Variants in STK39 observed in about 807,000 individuals in gnomAD.
STK39 encodes serine/threonine kinase 39, also known as STE20/SPS1-related proline-alanine-rich protein kinase.
A neutral mutation model predicts 77.8 loss-of-function variants in STK39; 20 were observed. The observed-to-expected ratio is 0.26, with a 90% CI of 0.18 to 0.37. The LOEUF (loss-of-function observed/expected upper bound fraction) is 0.37. Among genes scored for constraint, STK39 ranks in the 10% least tolerant of loss-of-function variants. STK39 has a pLI of 1.00. For synonymous variants in STK39, 246 were observed against 234.1 expected, an observed-to-expected ratio of 1.05 and a Z score of -0.47; for missense variants, 479 against 656.5, an observed-to-expected ratio of 0.73 and a Z score of 2.95.
intron 10 of STK39, among the ~76,000 whole-genome samples, chr2:168,082,995 A>C (rs1163597013): frequency 6.6e-6 from 1 of 152,056 alleles, no homozygotes; most frequent in Non-Finnish European, 1.5e-5. Context: ...TATAAGAAGC[A>C]CTCAAAACAT....
At chr2:168,093,173 A>T (rs1053699420) in intron 10 of STK39, among the ~76,000 whole-genome samples, 1 of 152,224 alleles carries the variant, frequency 6.6e-6, no homozygotes, top group Non-Finnish European at 1.5e-5. Context: ...GCTTTTCCAT[A>T]AAGCTCTCCT....
chr2:168,096,574 G>A (rs765381908), intron 10 of STK39, among the ~76,000 whole-genome samples: 3 of 152,192 alleles, frequency 2.0e-5, no homozygotes, highest in Non-Finnish European at 4.4e-5. Context: ...ATGAATCCCT[G>A]TGTCCTACAC....
intron 1 of STK39, among the ~76,000 whole-genome samples, chr2:168,194,149 C>T (rs909522224): frequency 1.3e-5 from 2 of 152,224 alleles, no homozygotes; most frequent in South Asian, 2.1e-4. Flanking sequence ...CATGGTGACT[C>T]ATGCCTGTAA....
chr2:167,986,154 A>G (rs1683551476), intron 16 of STK39, among the ~76,000 whole-genome samples: 1 of 152,206 alleles, frequency 6.6e-6, no homozygotes, highest in Non-Finnish European at 1.5e-5. Flanking sequence ...AATCTTAAAC[A>G]TACACTTCAG....
intron 12 of STK39, among the ~76,000 whole-genome samples, chr2:168,068,434 CA>C (rs1031305096): frequency 6.6e-6 from 1 of 152,046 alleles, no homozygotes; most frequent in African/African-American, 2.4e-5. Context: ...TGGATCCTGG[CA>C]AAAACAAGGG....
chr2:167,987,336 G>A (rs979544379), intron 16 of STK39, among the ~76,000 whole-genome samples: 6 of 152,058 alleles, frequency 3.9e-5, no homozygotes, highest in Non-Finnish European at 5.9e-5. Context: ...GAAAAGCGAG[G>A]ATGCATATAC....
intron 10 of STK39, among the ~76,000 whole-genome samples, chr2:168,085,426 C>A (rs1220861746): frequency 1.3e-5 from 2 of 152,188 alleles, no homozygotes; most frequent in Admixed American, 1.3e-4. Context: ...TGTATTCCTG[C>A]CGCATCCTGA....
chr2:168,187,581 G>C (rs1689239798), intron 1 of STK39, among the ~76,000 whole-genome samples: 1 of 152,202 alleles, frequency 6.6e-6, no homozygotes, highest in South Asian at 2.1e-4. Context: ...CTAGCACATA[G>C]TAAGCACTAA....
chr2:168,053,194 A>T (rs1014336969), intron 14 of STK39, among the ~76,000 whole-genome samples: 14 of 152,230 alleles, frequency 9.2e-5, no homozygotes, highest in African/African-American at 2.9e-4. Flanking sequence ...AATATCAAAT[A>T]ACACTTTTTC....
rs1683756532 is a variant in STK39, at chr2:167,993,562, TGTGGAGAGCCGGGCTA to T, written c.1498+19056_1498+19071del. On this transcript the variant is annotated intron_variant, in intron 16 of 17. Transcript: ENST00000355999. ...ATGAGCCTCAGGATAAAATCAACAC[TGTGGAGAGCCGGGCTA>T]AGGGAAGGAAAGACCCCAGGTCCTG... Among the ~76,000 whole-genome samples, 3 of 152,252 alleles carry T rather than the reference TGTGGAGAGCCGGGCTA, an allele frequency of 2.0e-5. No individual in the cohort carries two copies. In the East Asian group the frequency reaches 5.8e-4, roughly 29 times the overall value.
In STK39 at chr2:168,241,343, C is replaced by A. The variant is rs569247302; in HGVS notation, c.208+5885G>T. Among the ~76,000 whole-genome samples the A allele has an allele frequency of 9.8e-5, 15 of 152,318 alleles. No individual in the cohort carries two copies. In the East Asian group the frequency reaches 2.7e-3, roughly 27 times the overall value. On this transcript the variant is annotated intron_variant, in intron 1 of 17. Coordinates refer to ENST00000355999, the MANE Select transcript of STK39 (RefSeq NM_013233.3). ...TCCTGCCAGCATGGCAGCCTCCGGG[C>A]AAACTCAGAGGTGGAGGAAAAGTGC... is the stretch of plus-strand genomic sequence containing the variant.
At chr2:168,138,344 T>G in intron 7 of STK39, 123 bp from the exon 8 acceptor site, 1 of 1,307,588 alleles carries the variant, frequency 7.6e-7, no homozygotes, top group Non-Finnish European at 1.0e-6. Context: ...TTCCCATGAT[T>G]TTAACTTTGC....
intron 2 of STK39, among the ~76,000 whole-genome samples, chr2:168,171,687 C>T (rs2105607047): frequency 6.6e-6 from 1 of 152,166 alleles, no homozygotes; most frequent in South Asian, 2.1e-4. Flanking sequence ...CAGGGTCTCA[C>T]TGTGTTGCCC....
At chr2:168,106,872 T>C (rs550954697) in intron 10 of STK39, among the ~76,000 whole-genome samples, 21 of 152,206 alleles carry the variant, frequency 1.4e-4, no homozygotes, top group Non-Finnish European at 2.9e-4. Context: ...TAAATACGTA[T>C]GTATGTATTA....
At chr2:168,024,460 T>C (rs1684648072) in intron 14 of STK39, among the ~76,000 whole-genome samples, 1 of 152,206 alleles carries the variant, frequency 6.6e-6, no homozygotes, top group Non-Finnish European at 1.5e-5. Flanking sequence ...GTTTAGGTCA[T>C]GAGGGCGCCA....
chr2:168,161,720 T>G, intron 5 of STK39, 67 bp downstream of exon 5: 1 of 1,129,694 alleles, frequency 8.9e-7, no homozygotes, highest in Non-Finnish European at 1.3e-6. Context: ...CAGGAATGAT[T>G]CTACATTCCT....
intron 10 of STK39, among the ~76,000 whole-genome samples, chr2:168,096,084 T>G (rs1429463561): frequency 6.6e-6 from 1 of 152,234 alleles, no homozygotes; most frequent in South Asian, 2.1e-4. Flanking sequence ...TTCAGGTTCA[T>G]GTAGTTTTAT....
intron 14 of STK39, among the ~76,000 whole-genome samples, chr2:168,046,433 G>A (rs899315962): frequency 2.6e-5 from 4 of 152,188 alleles, no homozygotes; most frequent in African/African-American, 9.6e-5. Flanking sequence ...AGAGTGCAGA[G>A]AAGGAGCAGC....
At chr2:168,229,948 G>A (rs1690409849) in intron 1 of STK39, among the ~76,000 whole-genome samples, 2 of 152,176 alleles carry the variant, frequency 1.3e-5, no homozygotes, top group Admixed American at 1.3e-4. Context: ...TCACTCTGAT[G>A]CTTAGTTCAT....
Sources: allele counts gnomAD v4.1 joint callset (sites outside exome capture counted in the v4.1 genomes callset), GRCh38; gene constraint gnomAD v4.1.1; transcripts MANE v1.5; gene names NCBI Gene and HGNC (gene_info 2026-07-23, HGNC 2026-07-21).